The following RORA variants were observed in gnomAD, a reference collection of about 807,000 sequenced individuals.
The protein encoded by RORA is RAR related orphan receptor A.
In RORA, 7 loss-of-function variants were observed where a neutral mutation model predicts 69.5. The observed-to-expected ratio is 0.10, with a 90% CI of 0.06 to 0.19. The LOEUF is 0.19. RORA is among the 10% of genes least tolerant of loss of function. RORA has a pLI of 1.00. For synonymous variants in RORA, 261 were observed against 240.8 expected, an observed-to-expected ratio of 1.08 and a Z score of -0.78; for missense variants, 457 against 663.0, an observed-to-expected ratio of 0.69 and a Z score of 3.41.
intron 1 of RORA, among the ~76,000 whole-genome samples, chr15:61,082,374 A>G (rs757568630): frequency 7.9e-5 from 12 of 152,226 alleles, no homozygotes; most frequent in Non-Finnish European, 1.5e-4. Flanking sequence ...ATGTAATCCC[A>G]GTGACTCAGG....
At chr15:60,925,571 C>A (rs188512743) in intron 1 of RORA, among the ~76,000 whole-genome samples, 29 of 152,344 alleles carry the variant, frequency 1.9e-4, no homozygotes, top group Middle Eastern at 3.4e-3. Flanking sequence ...GAATCCCCAG[C>A]GGGGCTGTCA....
At chr15:60,712,296 C>T (rs1296487332) in intron 1 of RORA, among the ~76,000 whole-genome samples, 1 of 152,114 alleles carries the variant, frequency 6.6e-6, no homozygotes, top group Non-Finnish European at 1.5e-5. Context: ...TAGATGTTTT[C>T]TTTAAAAAGG....
chr15:61,207,737 T>G (rs910202144), intron 1 of RORA, among the ~76,000 whole-genome samples: 2 of 152,214 alleles, frequency 1.3e-5, no homozygotes, highest in African/African-American at 4.8e-5. Context: ...ATCCTGAAAG[T>G]GACATTACTA....
chr15:60,871,433 T>C (rs1451059200), intron 1 of RORA, among the ~76,000 whole-genome samples: 2 of 152,198 alleles, frequency 1.3e-5, no homozygotes, highest in Non-Finnish European at 2.9e-5. Context: ...GACATCTACA[T>C]GAGGTTTGAA....
chr15:60,624,141 A>G (rs1380954561), intron 2 of RORA, among the ~76,000 whole-genome samples: 1 of 152,040 alleles, frequency 6.6e-6, no homozygotes, highest in Non-Finnish European at 1.5e-5. Flanking sequence ...TGTGCTTTCT[A>G]TTTATAAGGT....
At chr15:60,745,200 C>A (rs2140854082) in intron 1 of RORA, among the ~76,000 whole-genome samples, 1 of 152,300 alleles carries the variant, frequency 6.6e-6, no homozygotes, top group South Asian at 2.1e-4. Context: ...CTCGCACACT[C>A]TAAATTTGCT....
At chr15:61,022,671 G>A (rs766935445) in intron 1 of RORA, among the ~76,000 whole-genome samples, 14 of 152,102 alleles carry the variant, frequency 9.2e-5, no homozygotes, top group Non-Finnish European at 1.8e-4. Context: ...GTAAAAATGT[G>A]ACCCCCTAGA....
At chr15:61,121,490 T>C (rs2079103619) in intron 1 of RORA, among the ~76,000 whole-genome samples, 1 of 152,188 alleles carries the variant, frequency 6.6e-6, no homozygotes, top group Admixed American at 6.5e-5. Flanking sequence ...AAGTCAGCAA[T>C]GATTAAACTG....
intron 2 of RORA, among the ~76,000 whole-genome samples, chr15:60,555,452 A>C (rs1486949257): frequency 1.3e-5 from 2 of 152,182 alleles, no homozygotes; most frequent in Non-Finnish European, 2.9e-5. Flanking sequence ...TTAAACCAGC[A>C]ATTGTTTACA....
chr15:61,036,660 T>C (rs1468691216), intron 1 of RORA, among the ~76,000 whole-genome samples: 1 of 152,042 alleles, frequency 6.6e-6, no homozygotes, highest in Non-Finnish European at 1.5e-5. Context: ...AATGTTTTCA[T>C]GTTACCGCTT....
chr15:60,695,139 A>G (rs537277740), intron 1 of RORA, among the ~76,000 whole-genome samples: 1 of 72,572 alleles, frequency 1.4e-5, no homozygotes, highest in South Asian at 6.0e-4. Context: ...GTATTCTAGT[A>G]CCAGCCAAAG....
At chr15:60,962,367 T>A (rs1893437354) in intron 1 of RORA, among the ~76,000 whole-genome samples, 1 of 152,188 alleles carries the variant, frequency 6.6e-6, no homozygotes, top group African/African-American at 2.4e-5. Context: ...TGGATGGAAA[T>A]ATTTTTTCCG....
chr15:60,624,485 T>TATATATAC (rs1303431318), intron 2 of RORA, among the ~76,000 whole-genome samples: 1 of 122,244 alleles, frequency 8.2e-6, no homozygotes, highest in African/African-American at 3.3e-5. Context: ...TATATATATA[T>TATATATAC]ATATATATAT....
chr15:60,950,987 T>C (rs867298181), intron 1 of RORA, among the ~76,000 whole-genome samples: 1,548 of 150,716 alleles, frequency 0.01, 32 homozygotes, highest in African/African-American at 0.037. Flanking sequence ...AGAATATACA[T>C]TTTTTTCAGC....
At chr15:60,744,875 C>A (rs1285955590) in intron 1 of RORA, among the ~76,000 whole-genome samples, 1 of 152,208 alleles carries the variant, frequency 6.6e-6, no homozygotes, top group Non-Finnish European at 1.5e-5. Flanking sequence ...AGGAAACCTA[C>A]TGGGAACTGG....
At chr15:60,615,870 G>A (rs957729755) in intron 2 of RORA, among the ~76,000 whole-genome samples, 8 of 152,134 alleles carry the variant, frequency 5.3e-5, no homozygotes, top group African/African-American at 1.2e-4. Context: ...GGGCTGCTTC[G>A]AAAATAACTC....
intron 1 of RORA, among the ~76,000 whole-genome samples, chr15:61,216,351 C>T (rs999339743): frequency 2.0e-5 from 3 of 152,122 alleles, no homozygotes; most frequent in African/African-American, 7.2e-5. Flanking sequence ...AAACAGGTTG[C>T]GAGTCTTTTA....
intron 1 of RORA, among the ~76,000 whole-genome samples, chr15:61,225,081 T>C (rs1180267396): frequency 1.3e-5 from 2 of 152,076 alleles, no homozygotes; most frequent in Non-Finnish European, 2.9e-5. Context: ...TTTTAAGAAA[T>C]AAGGGGGAAG....
intron 1 of RORA, among the ~76,000 whole-genome samples, chr15:60,893,573 G>T (rs1039602269): frequency 6.6e-6 from 1 of 152,224 alleles, no homozygotes; most frequent in Non-Finnish European, 1.5e-5. Flanking sequence ...GGATTCCCTT[G>T]TATCCGTTTG....
Sources: allele counts gnomAD v4.1 joint callset (sites outside exome capture counted in the v4.1 genomes callset), GRCh38; gene constraint gnomAD v4.1.1; transcripts MANE v1.5; gene names NCBI Gene and HGNC (gene_info 2026-07-23, HGNC 2026-07-21).